Variants in FAM161A observed in about 807,000 individuals in gnomAD.
FAM161A encodes protein FAM161A.
In FAM161A, 57 loss-of-function variants were observed where a neutral mutation model predicts 70.9. The observed-to-expected ratio is 0.80, with a 90% confidence interval of 0.65 to 1.00. FAM161A has a LOEUF of 1.00. FAM161A is among the 50% of genes least tolerant of loss of function. The pLI is 0.00. For synonymous variants in FAM161A, 299 were observed against 295.7 expected (o/e 1.01, Z -0.12); for missense variants, 880 against 836.0 (o/e 1.05, Z -0.65).
intron 5 of FAM161A, among the ~76,000 whole-genome samples, chr2:61,830,775 T>C (rs1489995706): frequency 2.6e-5 from 4 of 151,642 alleles, no homozygotes; most frequent in African/African-American, 9.7e-5. Flanking sequence ...TCCCAAAGTG[T>C]TGGGATTACA....
intron 5 of FAM161A, among the ~76,000 whole-genome samples, chr2:61,830,904 T>C (rs1196182912): frequency 1.3e-5 from 2 of 151,028 alleles, no homozygotes; most frequent in Admixed American, 6.6e-5. Flanking sequence ...AGGTCAGGAG[T>C]TCGAGACCAG....
chr2:61,812,675 T>C, the FAM161A span, among the ~76,000 whole-genome samples: 1 of 152,078 alleles, frequency 6.6e-6, no homozygotes, highest in African/African-American at 2.4e-5. Context: ...TGAGCCAAGA[T>C]TGTGCCATTA....
intron 1 of FAM161A, among the ~76,000 whole-genome samples, chr2:61,848,208 T>C (rs935884678): frequency 6.6e-6 from 1 of 152,204 alleles, no homozygotes; most frequent in Non-Finnish European, 1.5e-5. Context: ...GAAAACCATA[T>C]AGAAGAATGA....
the FAM161A span, among the ~76,000 whole-genome samples, chr2:61,817,769 C>T: frequency 6.6e-6 from 1 of 152,130 alleles, no homozygotes; most frequent in East Asian, 1.9e-4. Context: ...GAGACCAAGA[C>T]CAGCCTGGGC....
At chr2:61,853,735 T>C (rs1295045332) in intron 1 of FAM161A, 124 bp downstream of exon 1, 7 of 1,004,862 alleles carry the variant, frequency 7.0e-6, no homozygotes, top group East Asian at 5.2e-5. Context: ...GACCACCAAG[T>C]AGGGACTATG....
rs779024898 is a variant in FAM161A at position 61,840,447 on chromosome 2, G to C, written c.557C>G (p.Pro186Arg). 1.2e-6 allele frequency: 2 copies of C among 1,613,908 alleles called. No homozygotes were observed. The highest frequency in any genetic ancestry group is 1.3e-5 in the African/African-American group (1 of 74,954). Residue 186 changes from proline to arginine, a missense_variant, in exon 3 of 7, where the codon CCT becomes CGT. Coordinates refer to ENST00000404929, the MANE Select transcript of FAM161A (RefSeq NM_001201543.2). ...ATAGGTCATCATTCTGTTTTTCCTA[G>C]GATACTCTTTTTCTAGGTTGGGTAA... ...EELPNLEKEYPRKNRMMTYAK... is the reference protein window; with the variant it reads ...EELPNLEKEYRRKNRMMTYAK...
chr2:61,853,739 G>T, intron 1 of FAM161A, 120 bp downstream of exon 1: 1 of 1,052,476 alleles, frequency 9.5e-7, no homozygotes, highest in Non-Finnish European at 1.4e-6. Flanking sequence ...ACCAAGTAGG[G>T]ACTATGTGCA....
the FAM161A span, among the ~76,000 whole-genome samples, chr2:61,809,034 A>G: frequency 1.3e-5 from 2 of 151,952 alleles, no homozygotes; most frequent in Non-Finnish European, 2.9e-5. Flanking sequence ...CACCACACAC[A>G]ACTAATTTTT....
At chr2:61,841,650 G>A (rs189319309) in intron 2 of FAM161A, among the ~76,000 whole-genome samples, 16 of 152,254 alleles carry the variant, frequency 1.1e-4, no homozygotes, top group South Asian at 1.0e-3. Context: ...TGCAAGCATC[G>A]CTGACTGACT....
At chr2:61,841,196 G>A (rs1673007944) in intron 2 of FAM161A, among the ~76,000 whole-genome samples, 1 of 152,028 alleles carries the variant, frequency 6.6e-6, no homozygotes, top group Non-Finnish European at 1.5e-5. Flanking sequence ...TCATTCCCCT[G>A]CTTGAAACTT....
intron 4 of FAM161A, 99 bp from the exon 5 acceptor site, chr2:61,836,208 A>T: frequency 1.2e-6 from 1 of 827,276 alleles, no homozygotes; most frequent in Non-Finnish European, 1.9e-6. Context: ...AAAGTCAATG[A>T]AAAAAAAGAA....
At chr2:61,826,698 C>G in intron 6 of FAM161A, 99 bp from the exon 7 acceptor site, 1 of 1,009,634 alleles carries the variant, frequency 9.9e-7, no homozygotes, top group South Asian at 1.5e-5. Context: ...CAGTCTTCCT[C>G]AAGTGTATGA....
chr2:61,846,918 T>A (rs986486359), intron 1 of FAM161A: 3 of 454,984 alleles, frequency 6.6e-6, no homozygotes, highest in Non-Finnish European at 1.3e-5. Context: ...CAGTGGTTCA[T>A]GCCTGTAATC....
chr2:61,821,596 T>C (rs1672203972), downstream of FAM161A, among the ~76,000 whole-genome samples: 2 of 151,976 alleles, frequency 1.3e-5, no homozygotes, highest in Non-Finnish European at 1.5e-5. Flanking sequence ...AATCTGAATA[T>C]CTTTTTTTCT....
At chr2:61,802,094 A>G in the FAM161A span, among the ~76,000 whole-genome samples, 375 of 152,338 alleles carry the variant, frequency 2.5e-3, no homozygotes, top group African/African-American at 8.2e-3. Context: ...TTAATCCCTA[A>G]AAGTTCTCTT....
Position 61,825,784 on chromosome 2 carries a change from C to G in FAM161A, c.*671G>C, listed in dbSNP as rs1372122653. On this transcript the variant is annotated 3_prime_UTR_variant, in exon 7 of 7. Transcript: ENST00000404929. Reference sequence around the variant, plus strand: ...TCCCAAGTAGCTGGGACTACAGGCGCCCACCACCACGCCTGGCTAATTTTT... The same window carrying G: ...TCCCAAGTAGCTGGGACTACAGGCGGCCACCACCACGCCTGGCTAATTTTT... The G allele has an allele frequency of 7.2e-6, 3 of 416,412 alleles. No individual in the cohort carries two copies. Among genetic ancestry groups the G allele is most frequent in the Non-Finnish European group, 1.4e-5 (3 of 211,710 alleles). 25.8% of individuals were successfully genotyped at this position (416,412 alleles called of 1,614,324 possible).
chr2:61,833,098 G>A (rs1235660505), intron 5 of FAM161A, among the ~76,000 whole-genome samples: 2 of 151,998 alleles, frequency 1.3e-5, no homozygotes, highest in Admixed American at 1.3e-4. Flanking sequence ...AACAAAATTA[G>A]TAATTATTAA....
chr2:61,818,399 G>T, the FAM161A span, among the ~76,000 whole-genome samples: 5 of 152,080 alleles, frequency 3.3e-5, no homozygotes, highest in Non-Finnish European at 7.4e-5. Context: ...AAGGCTTCAG[G>T]GTCTGTCAAA....
intron 5 of FAM161A, among the ~76,000 whole-genome samples, chr2:61,827,860 T>C (rs1324024797): frequency 6.6e-6 from 1 of 152,180 alleles, no homozygotes; most frequent in African/African-American, 2.4e-5. Context: ...AAATAAATTG[T>C]GGTCTATTCC....
Sources: allele counts gnomAD v4.1 joint callset (sites outside exome capture counted in the v4.1 genomes callset), GRCh38; gene constraint gnomAD v4.1.1; transcripts MANE v1.5; gene names NCBI Gene and HGNC (gene_info 2026-07-23, HGNC 2026-07-21).